CNTNAP2: variants seen among roughly 807,000 people sequenced by gnomAD.
The protein encoded by CNTNAP2 is contactin-associated protein-like 2.
A neutral mutation model predicts 155.2 loss-of-function variants in CNTNAP2; 98 were observed. That is an observed-to-expected ratio of 0.63 (90% confidence interval 0.54 to 0.75). The LOEUF is 0.75. Among genes scored for constraint, CNTNAP2 ranks in the 30% least tolerant of loss-of-function variants. CNTNAP2 has a pLI of 0.00. For synonymous variants in CNTNAP2, 651 were observed against 631.2 expected, an observed-to-expected ratio of 1.03 and a Z score of -0.47; for missense variants, 1,727 against 1,688.1, an observed-to-expected ratio of 1.02 and a Z score of -0.40.
intron 2 of CNTNAP2, among the ~76,000 whole-genome samples, chr7:146,789,952 T>C (rs777639284): frequency 3.3e-5 from 5 of 151,372 alleles, no homozygotes; most frequent in Non-Finnish European, 7.4e-5. Flanking sequence ...CTGGCATCAA[T>C]AATAACAATA....
At chr7:147,178,025 T>C (rs1802383360) in intron 8 of CNTNAP2, among the ~76,000 whole-genome samples, 1 of 152,092 alleles carries the variant, frequency 6.6e-6, no homozygotes, top group African/African-American at 2.4e-5. Flanking sequence ...ACTCTATCTG[T>C]GGAAGGCAGA....
At chr7:147,898,586 C>G (rs1799810022) in intron 13 of CNTNAP2, among the ~76,000 whole-genome samples, 1 of 151,920 alleles carries the variant, frequency 6.6e-6, no homozygotes, top group East Asian at 1.9e-4. Flanking sequence ...ATGGCGTAAT[C>G]TTGGCCCACT....
At chr7:148,142,786 C>T (rs1391278971) in intron 16 of CNTNAP2, among the ~76,000 whole-genome samples, 1 of 152,182 alleles carries the variant, frequency 6.6e-6, no homozygotes, top group Non-Finnish European at 1.5e-5. Context: ...AAATTTATCG[C>T]TCAATATACT....
chr7:147,241,382 C>T (rs144199293), intron 8 of CNTNAP2, among the ~76,000 whole-genome samples: 18 of 152,218 alleles, frequency 1.2e-4, no homozygotes, highest in African/African-American at 4.3e-4. Context: ...AATGCCAGCA[C>T]TTTGGGAGGC....
At chr7:148,357,241 C>G (rs908757577) in intron 21 of CNTNAP2, among the ~76,000 whole-genome samples, 1 of 152,078 alleles carries the variant, frequency 6.6e-6, no homozygotes, top group Non-Finnish European at 1.5e-5. Flanking sequence ...GGGGAGTTCC[C>G]CTGCATGAGC....
At chr7:147,670,982 C>T (rs983656122) in intron 13 of CNTNAP2, among the ~76,000 whole-genome samples, 1 of 152,218 alleles carries the variant, frequency 6.6e-6, no homozygotes, top group African/African-American at 2.4e-5. Flanking sequence ...ATGGGCATCA[C>T]GCCAGACTCT....
chr7:147,552,574 ACACACACACACAC>A (rs1799871765), intron 11 of CNTNAP2, among the ~76,000 whole-genome samples: 4 of 70,310 alleles, frequency 5.7e-5, no homozygotes, highest in African/African-American at 1.6e-4. Flanking sequence ...TTTCCTCAAC[ACACACACACACAC>A]ACACACACAC....
intron 1 of CNTNAP2, among the ~76,000 whole-genome samples, chr7:146,336,052 A>G (rs946067243): frequency 2.0e-5 from 3 of 151,996 alleles, no homozygotes; most frequent in Non-Finnish European, 2.9e-5. Flanking sequence ...ATACAAAATT[A>G]GCCAGGTGTG....
chr7:147,142,858 T>C (rs1325975860), intron 8 of CNTNAP2, among the ~76,000 whole-genome samples: 1 of 152,190 alleles, frequency 6.6e-6, no homozygotes, highest in Non-Finnish European at 1.5e-5. Context: ...CTTTGCGTCA[T>C]ATTGACTACT....
intron 16 of CNTNAP2, among the ~76,000 whole-genome samples, chr7:148,132,853 C>T (rs898856344): frequency 6.6e-6 from 1 of 152,178 alleles, no homozygotes; most frequent in African/African-American, 2.4e-5. Flanking sequence ...CTTCCAGCCA[C>T]TTCTCTCCAC....
intron 1 of CNTNAP2, among the ~76,000 whole-genome samples, chr7:146,458,417 C>T (rs1292960853): frequency 6.6e-6 from 1 of 152,076 alleles, no homozygotes. Flanking sequence ...ACGAAAACCA[C>T]GCAGGAATGT....
At chr7:146,934,387 A>G (rs1474938931) in intron 3 of CNTNAP2, among the ~76,000 whole-genome samples, 1 of 145,984 alleles carries the variant, frequency 6.9e-6, no homozygotes. Context: ...TGGGAATTGA[A>G]CAATGAGAAC....
At chr7:147,687,177 A>G (rs948287545) in intron 13 of CNTNAP2, among the ~76,000 whole-genome samples, 14 of 152,150 alleles carry the variant, frequency 9.2e-5, no homozygotes, top group African/African-American at 3.1e-4. Flanking sequence ...TGGCTAAAAT[A>G]GCAGTACTTT....
Position 147,108,183 on chromosome 7 carries a change from T to C in CNTNAP2, c.587T>C (p.Leu196Ser). Residue 196 changes from leucine (L) to serine (S), a missense_variant, in exon 5 of 24, where the codon TTA becomes TCA. Transcript: ENST00000361727. ...DVINFDGHVV[L>S]PYRFRNKKMK... ...ATCAACTTTGATGGCCATGTTGTAT[T>C]ACCATATAGATTCAGAAACAAGAAG... 6.2e-7 allele frequency: 1 copy of C among 1,613,716 alleles called. No homozygotes were observed. The highest frequency in any genetic ancestry group is 2.2e-5 in the East Asian group (1 of 44,826).
chr7:146,289,266 A>G (rs1800390811), intron 1 of CNTNAP2, among the ~76,000 whole-genome samples: 1 of 152,206 alleles, frequency 6.6e-6, no homozygotes, highest in Admixed American at 6.5e-5. Context: ...TTAAGAAGGC[A>G]TATTTTATGT....
intron 3 of CNTNAP2, among the ~76,000 whole-genome samples, chr7:146,940,379 T>C (rs895900405): frequency 2.0e-5 from 3 of 151,898 alleles, no homozygotes; most frequent in African/African-American, 7.3e-5. Context: ...TGTATTTTAG[T>C]AGAGACGGGT....
intron 22 of CNTNAP2, among the ~76,000 whole-genome samples, chr7:148,390,467 T>TACAGCAG (rs1383367875): frequency 6.6e-6 from 1 of 152,102 alleles, no homozygotes; most frequent in Non-Finnish European, 1.5e-5. Context: ...TTTCTGAAAA[T>TACAGCAG]ACAGCAGGTG....
At chr7:146,389,049 A>C (rs1448036194) in intron 1 of CNTNAP2, among the ~76,000 whole-genome samples, 1 of 152,192 alleles carries the variant, frequency 6.6e-6, no homozygotes, top group Non-Finnish European at 1.5e-5. Context: ...AGGCCAAAAC[A>C]AAACAAAAAA....
chr7:147,005,843 C>A (rs950673127), intron 3 of CNTNAP2, among the ~76,000 whole-genome samples: 1 of 152,020 alleles, frequency 6.6e-6, no homozygotes, highest in Non-Finnish European at 1.5e-5. Context: ...TTGTTGTCTG[C>A]AGTTTCTCAA....
Sources: gnomAD v4.1 joint callset for allele counts (sites outside exome capture counted in the v4.1 genomes callset) on GRCh38, gnomAD v4.1.1 for gene constraint, MANE v1.5 for transcripts, NCBI Gene and HGNC (gene_info 2026-07-23, HGNC 2026-07-21) for gene names.